Variants in LOC128125822 observed in about 807,000 individuals in gnomAD.
chr6:63,582,479 A>G, the LOC128125822 span: 1 of 152,734 alleles, frequency 6.5e-6, no homozygotes, highest in South Asian at 2.1e-4. Context: ...AATATTTTGT[A>G]TCTTGTAAAT....
At chr6:63,573,028 G>T in the LOC128125822 span, among the ~76,000 whole-genome samples, 1 of 152,090 alleles carries the variant, frequency 6.6e-6, no homozygotes, top group African/African-American at 2.4e-5. Flanking sequence ...CGGCGGCCGG[G>T]GGCAGTTTCG....
chr6:63,577,604 T>A, the LOC128125822 span, among the ~76,000 whole-genome samples: 1 of 152,172 alleles, frequency 6.6e-6, no homozygotes, highest in Non-Finnish European at 1.5e-5. Context: ...TCACCCAGGC[T>A]GGAGTGCAGT....
the LOC128125822 span, chr6:63,578,821 C>A: frequency 7.6e-7 from 1 of 1,316,684 alleles, no homozygotes; most frequent in Non-Finnish European, 1.0e-6. Context: ...GAAAACATTT[C>A]CATGTTAGAA....
chr6:63,577,557 C>CT, the LOC128125822 span, among the ~76,000 whole-genome samples: 4 of 151,878 alleles, frequency 2.6e-5, no homozygotes, highest in African/African-American at 7.2e-5. Context: ...AATGGAAATA[C>CT]TTTTTTTTCC....
the LOC128125822 span, chr6:63,580,697 A>G: frequency 6.6e-6 from 1 of 151,798 alleles, no homozygotes; most frequent in Non-Finnish European, 1.5e-5. Flanking sequence ...CCACATTCAT[A>G]CCAATATACG....
the LOC128125822 span, chr6:63,578,415 T>C: frequency 3.1e-6 from 5 of 1,596,702 alleles, no homozygotes; most frequent in East Asian, 1.1e-4. Flanking sequence ...ATTAAGATTT[T>C]TTTAATGTAC....
At chr6:63,574,041 GTTAT>G in the LOC128125822 span, among the ~76,000 whole-genome samples, 1 of 152,134 alleles carries the variant, frequency 6.6e-6, no homozygotes, top group Non-Finnish European at 1.5e-5. Context: ...CGAGTATTAA[GTTAT>G]TTACACTACG....
chr6:63,572,962 G>C, the LOC128125822 span, among the ~76,000 whole-genome samples: 11 of 152,226 alleles, frequency 7.2e-5, no homozygotes, highest in East Asian at 1.6e-3. Flanking sequence ...CGGAGGCACC[G>C]GCTTTTGAGT....
At chr6:63,578,922 C>T in the LOC128125822 span, 25 of 1,588,580 alleles carry the variant, frequency 1.6e-5, no homozygotes, top group Non-Finnish European at 2.0e-5. Flanking sequence ...TGATGGTGCA[C>T]CACCATCCAA....
At chr6:63,572,622 GCCTCCTGCCCTGCAGCCACCGCCA>G in the LOC128125822 span, 1 of 421,158 alleles carries the variant, frequency 2.4e-6, no homozygotes. Context: ...GACCACCGCC[GCCTCCTGCCCTGCAGCCACCGCCA>G]CCGCCTGTGT....
the LOC128125822 span, chr6:63,578,989 G>A: frequency 6.2e-7 from 1 of 1,607,906 alleles, no homozygotes; most frequent in African/African-American, 1.3e-5. Flanking sequence ...GAAGAACCTG[G>A]TTGTTGTATT....
At chr6:63,573,005 G>GGTCC in the LOC128125822 span, among the ~76,000 whole-genome samples, 1 of 152,118 alleles carries the variant, frequency 6.6e-6, no homozygotes, top group Non-Finnish European at 1.5e-5. Flanking sequence ...GGGGCGGCGC[G>GGTCC]GTCCGGCTTC....
the LOC128125822 span, chr6:63,580,439 C>T: frequency 2.7e-6 from 1 of 368,780 alleles, no homozygotes; most frequent in Admixed American, 4.0e-5. Context: ...TTCCCCAAAT[C>T]ATGCAGTATT....
At chr6:63,578,043 C>T in the LOC128125822 span, among the ~76,000 whole-genome samples, 8 of 151,774 alleles carry the variant, frequency 5.3e-5, no homozygotes, top group Non-Finnish European at 1.0e-4. Context: ...TCAGATTACC[C>T]GATTAGTTAT....
the LOC128125822 span, chr6:63,580,224 T>TG: frequency 1.5e-6 from 2 of 1,378,568 alleles, no homozygotes; most frequent in East Asian, 4.6e-5. Context: ...TAGGGCCTAA[T>TG]TTGTTATACA....
the LOC128125822 span, chr6:63,582,192 G>GT: frequency 9.4e-3 from 1,375 of 146,062 alleles, 9 homozygotes; most frequent in South Asian, 0.031. Context: ...CTGAGGTTTT[G>GT]TTTTTTTTTT....
chr6:63,579,746 T>G, the LOC128125822 span, among the ~76,000 whole-genome samples: 1 of 152,250 alleles, frequency 6.6e-6, no homozygotes, highest in Non-Finnish European at 1.5e-5. Flanking sequence ...TGTAGTCATC[T>G]TCCCTGCTAC....
At chr6:63,579,342 G>A in the LOC128125822 span, 1 of 1,572,450 alleles carries the variant, frequency 6.4e-7, no homozygotes, top group Non-Finnish European at 8.7e-7. Flanking sequence ...GTAAGTAATG[G>A]ATTCTCTTTT....
chr6:63,580,304 AG>A, the LOC128125822 span: 1 of 750,678 alleles, frequency 1.3e-6, no homozygotes. Context: ...CAGTTTTACC[AG>A]GCCTCAAGCT....
Sources: allele counts gnomAD v4.1 joint callset (sites outside exome capture counted in the v4.1 genomes callset), GRCh38; gene constraint gnomAD v4.1.1; transcripts MANE v1.5.